QSOX2: variants seen among roughly 807,000 people sequenced by gnomAD.
QSOX2 encodes sulfhydryl oxidase 2.
A neutral mutation model predicts 61.7 loss-of-function variants in QSOX2; 46 were observed. That is an observed-to-expected ratio of 0.75 (90% CI 0.59 to 0.95). The LOEUF (loss-of-function observed/expected upper bound fraction) is 0.95, where lower values mean the gene tolerates loss of function less well. Ranked by LOEUF, QSOX2 falls within the 40% of genes least tolerant of loss-of-function variation. The pLI, the probability that QSOX2 is intolerant of heterozygous loss-of-function variation, is 0.00. For synonymous variants in QSOX2, 383 were observed against 388.4 expected, an observed-to-expected ratio of 0.99 and a Z score of 0.16; for missense variants, 879 against 918.9, an observed-to-expected ratio of 0.96 and a Z score of 0.56.
intron 2 of QSOX2, among the ~76,000 whole-genome samples, chr9:136,225,904 G>A (rs367560963): frequency 1.3e-5 from 2 of 152,248 alleles, no homozygotes; most frequent in South Asian, 4.1e-4. Flanking sequence ...AAATACAACA[G>A]GAAGCCATGC....
chr9:136,233,661 C>T (rs567318433), intron 1 of QSOX2, among the ~76,000 whole-genome samples: 3 of 152,262 alleles, frequency 2.0e-5, no homozygotes, highest in Admixed American at 6.5e-5. Flanking sequence ...CACGAGAGGT[C>T]GTGGATGTGG....
rs185050758 is a variant in QSOX2 at position 136,208,530 on chromosome 9, C to A, written c.*198G>T. The A allele has an allele frequency of 4.0e-5, 24 of 604,300 alleles. No individual in the cohort carries two copies. In the African/African-American group the frequency reaches 4.3e-4, roughly 11 times the overall value. 37.4% of individuals were successfully genotyped at this position (604,300 alleles called of 1,614,324 possible). Reference sequence around the variant, plus strand: ...AGTACGCCAGGAATGCAAATATCCCCACAAAATTACCCCGTGTTCTTCCCT... The same window carrying A: ...AGTACGCCAGGAATGCAAATATCCCAACAAAATTACCCCGTGTTCTTCCCT... On this transcript the variant is annotated 3_prime_UTR_variant, in exon 12 of 12. Transcript: ENST00000358701.
intron 1 of QSOX2, among the ~76,000 whole-genome samples, chr9:136,228,366 C>G (rs544739241): frequency 6.6e-6 from 1 of 152,166 alleles, no homozygotes; most frequent in Non-Finnish European, 1.5e-5. Context: ...GTGCCTGGCT[C>G]GTGCTTCAGT....
intron 7 of QSOX2, 57 bp from the exon 8 acceptor site, chr9:136,218,865 C>T: frequency 6.3e-7 from 1 of 1,596,000 alleles, no homozygotes; most frequent in Admixed American, 1.7e-5. Flanking sequence ...CACAGCAAGT[C>T]TCCCTGTCCT....
intron 6 of QSOX2, 66 bp from the exon 7 acceptor site, chr9:136,219,230 G>A: frequency 6.4e-7 from 1 of 1,565,454 alleles, no homozygotes; most frequent in Non-Finnish European, 8.6e-7. Flanking sequence ...TAGGAGCCGT[G>A]GCATTCAGGA....
chr9:136,235,869 T>C (rs1484862710), intron 1 of QSOX2, among the ~76,000 whole-genome samples: 2 of 152,218 alleles, frequency 1.3e-5, no homozygotes, highest in Non-Finnish European at 2.9e-5. Context: ...GCTCAGCACC[T>C]GCAGGCACTT....
chr9:136,235,373 C>T (rs541104039), intron 1 of QSOX2, among the ~76,000 whole-genome samples: 2 of 152,252 alleles, frequency 1.3e-5, no homozygotes, highest in South Asian at 2.1e-4. Context: ...TGGGCCCTTA[C>T]GGGGAGTGAC....
chr9:136,235,820 A>C (rs1240173210), intron 1 of QSOX2, among the ~76,000 whole-genome samples: 1 of 152,050 alleles, frequency 6.6e-6, no homozygotes, highest in African/African-American at 2.4e-5. Flanking sequence ...CACATCCAAG[A>C]CCACGGACTC....
chr9:136,209,283 G>T lies in QSOX2; in HGVS notation c.1550-8C>A. 6.2e-7 allele frequency: 1 copy of T among 1,607,820 alleles called. No individual in the cohort carries two copies. Among genetic ancestry groups the T allele is most frequent in the Non-Finnish European group, 8.5e-7 (1 of 1,175,770 alleles). On this transcript the variant is annotated splice_region_variant and splice_polypyrimidine_tract_variant and intron_variant, in intron 11 of 11. Coordinates refer to ENST00000358701, the MANE Select transcript of QSOX2 (RefSeq NM_181701.4). This position sits in a 1 kb window ranked among gnomAD's most constrained non-coding sequence, Gnocchi z 5.6. The stretch of plus-strand genomic sequence containing the variant: ...GATCCTCACTCAGATGGCCTAGGAA[G>T]AAAAGGAAGCGGGAGAGCCAGAGGG...
At chr9:136,234,931 C>T (rs1445537759) in intron 1 of QSOX2, among the ~76,000 whole-genome samples, 1 of 152,216 alleles carries the variant, frequency 6.6e-6, no homozygotes, top group African/African-American at 2.4e-5. Context: ...GACCCCCGCT[C>T]CCTTTACCGG....
chr9:136,219,637 A>G (rs1831957852), intron 6 of QSOX2, among the ~76,000 whole-genome samples: 1 of 152,042 alleles, frequency 6.6e-6, no homozygotes, highest in South Asian at 2.1e-4. Context: ...CCCTGTGTGG[A>G]CAGGGTGGAG....
At chr9:136,231,940 A>T (rs115248266) in intron 1 of QSOX2, among the ~76,000 whole-genome samples, 1 of 98,938 alleles carries the variant, frequency 1.0e-5, no homozygotes, top group African/African-American at 4.3e-5. Flanking sequence ...CCTCCTCCGC[A>T]GGTCCCATCT....
chr9:136,230,581 G>T (rs571749063), intron 1 of QSOX2, among the ~76,000 whole-genome samples: 3 of 152,288 alleles, frequency 2.0e-5, no homozygotes, highest in African/African-American at 7.2e-5. Flanking sequence ...TCCTTATCAC[G>T]TCGGGCCACA....
chr9:136,227,127 C>T (rs946671357), intron 1 of QSOX2, among the ~76,000 whole-genome samples: 4 of 152,216 alleles, frequency 2.6e-5, no homozygotes, highest in African/African-American at 4.8e-5. Context: ...CTGCACATCA[C>T]GGAGCAGGGA....
chr9:136,219,163 C>T lies in QSOX2; in HGVS notation c.823G>A (p.Val275Met), dbSNP rs746838402. ...PNGSHGLINV[V>M]KPLRAFFSSY... Reference sequence around the variant, plus strand: ...GAAAAGAAGGCCCGCAGAGGCTTCACGCTGTGAGAGAGGGGAGGGCAAAGG... The same window carrying T: ...GAAAAGAAGGCCCGCAGAGGCTTCATGCTGTGAGAGAGGGGAGGGCAAAGG... Residue 275 changes from valine to methionine, a missense_variant and splice_region_variant, in exon 7 of 12, where the codon GTG becomes ATG. Val to Met is a conservative substitution (Grantham distance 21). Coordinates refer to ENST00000358701, the MANE Select transcript of QSOX2 (RefSeq NM_181701.4). The T allele has an allele frequency of 8.1e-6, 13 of 1,612,870 alleles. No homozygotes were observed. Among genetic ancestry groups the T allele is most frequent in the East Asian group, 4.5e-5 (2 of 44,864 alleles).
intron 9 of QSOX2, 64 bp downstream of exon 9, chr9:136,216,536 G>A: frequency 2.5e-6 from 4 of 1,595,442 alleles, no homozygotes; most frequent in Non-Finnish European, 3.4e-6. Context: ...CACCAGCTAA[G>A]GGCAAGGGAA....
intron 7 of QSOX2, 90 bp from the exon 8 acceptor site, chr9:136,218,898 G>C: frequency 1.3e-6 from 2 of 1,573,480 alleles, no homozygotes; most frequent in Non-Finnish European, 1.7e-6. Context: ...CGGACTCCCA[G>C]GGCCCCTGGG....
chr9:136,218,272 T>G (rs1472309751), intron 8 of QSOX2, among the ~76,000 whole-genome samples: 1 of 152,106 alleles, frequency 6.6e-6, no homozygotes, highest in Non-Finnish European at 1.5e-5. Flanking sequence ...GTGGGGCAGA[T>G]GCACACCCCA....
At chr9:136,210,320 T>C (rs1182283793) in intron 11 of QSOX2, 5 of 985,306 alleles carry the variant, frequency 5.1e-6, no homozygotes, top group Non-Finnish European at 4.8e-6. Flanking sequence ...GGAGTGACAA[T>C]CACACTGGGC....
Sources: gnomAD v4.1 joint callset for allele counts (sites outside exome capture counted in the v4.1 genomes callset) on GRCh38, gnomAD v4.1.1 for gene constraint, Gnocchi (gnomAD v3.1) non-coding constraint, MANE v1.5 for transcripts, NCBI Gene and HGNC (gene_info 2026-07-23, HGNC 2026-07-21) for gene names.